Variants in BLCAP observed in about 807,000 individuals in gnomAD.
The protein encoded by BLCAP is BLCAP apoptosis inducing factor, also known as apoptosis inducing factor BLCAP.
In BLCAP, 1 loss-of-function variant was observed where a neutral mutation model predicts 5.7. The ratio of observed to expected loss-of-function variants is 0.18; its 90% CI spans 0.06 to 0.83. The LOEUF (loss-of-function observed/expected upper bound fraction) is 0.83, where lower values mean the gene tolerates loss of function less well. BLCAP is among the 40% of genes least tolerant of loss of function. The pLI, the probability that BLCAP is intolerant of heterozygous loss-of-function variation, is 0.71. For missense variants in BLCAP, 66 were observed against 107.6 expected (o/e 0.61, Z 1.71); for synonymous variants, 48 against 49.4 (o/e 0.97, Z 0.11).
rs1226961075 is a variant in BLCAP, at chr20:37,521,621, G to A, written c.-176-2271C>T. 1 of 561,354 alleles carries A rather than the reference G, an allele frequency of 1.8e-6. No homozygotes were observed. Among genetic ancestry groups the A allele is most frequent in the Non-Finnish European group, 3.2e-6 (1 of 314,912 alleles). The allele number at this position is 561,354 out of a possible 1,614,324, so 34.8% of individuals were successfully genotyped here. A position where few individuals can be genotyped will look rare whatever the true frequency, so the allele number is the denominator to read the frequency against. On this transcript the variant is annotated intron_variant, in intron 1 of 1. Transcript: ENST00000373537. This position sits in a 1 kb window ranked among gnomAD's most constrained non-coding sequence, Gnocchi z 4.5. ...CCCTAGTGCGCCCGCGCCTGCCAGG[G>A]AACAAAGACTCGGGGCGCGGCGGGC... is the stretch of plus-strand genomic sequence containing the variant.
At position 37,521,051 on chromosome 20, in the gene BLCAP, G is replaced by A. The variant is rs1030284780; in HGVS notation, c.-176-1701C>T. Among the ~76,000 whole-genome samples, 2 of 152,154 alleles carry A rather than the reference G, an allele frequency of 1.3e-5. No individual in the cohort carries two copies. Among genetic ancestry groups the A allele is most frequent in the African/African-American group, 4.8e-5 (2 of 41,418 alleles). ...TAAAGCAAAATCCAAAAGCAAGCAC[G>A]GCGGAATCTTCTGGAAGGGGGCTAA... On this transcript the variant is annotated intron_variant, in intron 1 of 1. Transcript: ENST00000373537. This position sits in a 1 kb window ranked among gnomAD's most constrained non-coding sequence, Gnocchi z 4.5.
At chr20:37,525,699 C>A (rs112461498) in intron 1 of BLCAP, among the ~76,000 whole-genome samples, 54 of 152,344 alleles carry the variant, frequency 3.5e-4, no homozygotes, top group Admixed American at 9.1e-4. Context: ...TCCAAACACA[C>A]CTTGTTTATA....
At chr20:37,522,401 G>A in intron 1 of BLCAP, 1 of 1,613,930 alleles carries the variant, frequency 6.2e-7, no homozygotes, top group Non-Finnish European at 8.5e-7. Flanking sequence ...TTCGCTTTTC[G>A]AAATCCTCCA....
rs540662834 is a variant in BLCAP, at chr20:37,525,117, C to T, written c.-177+2676G>A. ...CATCAGCAGGCAATGCCCACACCTCCTCCCTTCTGAACCCCATATCTTGGC... is the reference window on the plus strand; with the variant it reads ...CATCAGCAGGCAATGCCCACACCTCTTCCCTTCTGAACCCCATATCTTGGC... On this transcript the variant is annotated intron_variant, in intron 1 of 1. Coordinates refer to ENST00000373537, the MANE Select transcript of BLCAP (RefSeq NM_006698.4). Among the ~76,000 whole-genome samples the T allele has an allele frequency of 8.5e-5, 13 of 152,312 alleles. No individual in the cohort carries two copies. The East Asian group carries it at 2.3e-3, about 27-fold the overall frequency.
At position 37,522,726 on chromosome 20, in the gene BLCAP, G is replaced by T. The variant is rs1262992068; in HGVS notation, c.-176-3376C>A. The T allele has an allele frequency of 4.3e-6, 7 of 1,611,048 alleles. No homozygotes were observed. In the South Asian group the frequency reaches 5.5e-5, roughly 13 times the overall value. On this transcript the variant is annotated intron_variant, in intron 1 of 1. Transcript: ENST00000373537. ...CGGTGTCGCGGACCGGGCGGCAGGT[G>T]TTGGGGGAGCGCAGGCAGCGAGCCC... is the stretch of plus-strand genomic sequence containing the variant.
Position 37,522,672 on chromosome 20 carries a change from C to T in BLCAP, c.-176-3322G>A, listed in dbSNP as rs542858994. 6.2e-6 allele frequency: 10 copies of T among 1,611,336 alleles called. No homozygotes were observed. In the African/African-American group the frequency reaches 1.2e-4, roughly 19 times the overall value. ...TCCTGGGTTTCTCGTCGCAGGTGTT[C>T]AGGTACTCCCTGCAGAAGCTGGCAT... On this transcript the variant is annotated intron_variant, in intron 1 of 1. Coordinates refer to ENST00000373537, the MANE Select transcript of BLCAP (RefSeq NM_006698.4).
intron 1 of BLCAP, chr20:37,522,550 CAGCCTACGCTGG>C (rs1371252540): frequency 7.3e-7 from 1 of 1,369,422 alleles, no homozygotes; most frequent in African/African-American, 1.5e-5. Flanking sequence ...CCCGCCTCTC[CAGCCTACGCTGG>C]ATGGGCGGGC....
intron 1 of BLCAP, among the ~76,000 whole-genome samples, chr20:37,519,699 C>G (rs1194393285): frequency 6.6e-6 from 1 of 152,204 alleles, no homozygotes; most frequent in Admixed American, 6.5e-5. Context: ...GGGGCTGCAG[C>G]CCGTCCTCAA....
At position 37,518,961 on chromosome 20, in the gene BLCAP, C is replaced by G. The variant is rs767158326; in HGVS notation, c.214G>C (p.Asp72His). 1 of 1,614,190 alleles carries G rather than the reference C, an allele frequency of 6.2e-7. No homozygotes were observed. Among genetic ancestry groups the G allele is most frequent in the Non-Finnish European group, 8.5e-7 (1 of 1,180,048 alleles). Reference sequence around the variant, plus strand: ...TGCGCCGATTCTGGAAGCGGGGAATCGGAGCAGTGGTACAGGAAACAGTTT... The same window carrying G: ...TGCGCCGATTCTGGAAGCGGGGAATGGGAGCAGTGGTACAGGAAACAGTTT... ...WGNCFLYHCS[D>H]SPLPESAHDP... Residue 72 changes from aspartate (D) to histidine (H), a missense_variant, in exon 2 of 2, where the codon GAT (aspartate) becomes CAT (histidine). Transcript: ENST00000373537.
intron 1 of BLCAP, among the ~76,000 whole-genome samples, chr20:37,527,263 C>A (rs897091511): frequency 1.3e-5 from 2 of 152,132 alleles, no homozygotes; most frequent in African/African-American, 4.8e-5. Context: ...GAGTAAGAAG[C>A]GCCCGCGACT....
intron 1 of BLCAP, chr20:37,522,572 C>A: frequency 3.5e-6 from 2 of 578,850 alleles, no homozygotes; most frequent in South Asian, 4.1e-5. Flanking sequence ...GATGGGCGGG[C>A]GGGGCAGGGG....
At chr20:37,522,025 T>A (rs2071596486) in intron 1 of BLCAP, among the ~76,000 whole-genome samples, 1 of 149,098 alleles carries the variant, frequency 6.7e-6, no homozygotes, top group South Asian at 2.1e-4. Context: ...TGCATTAGAT[T>A]AAAAACGCAC....
Position 37,518,909 on chromosome 20 carries a change from C to T in BLCAP, c.*2G>A, listed in dbSNP as rs777704044. On this transcript the variant is annotated 3_prime_UTR_variant, in exon 2 of 2. Transcript: ENST00000373537. ...TCCTTGGAAAGCTAACAGGGCAGGC[C>T]GTTAGGTGCCCACAACGCCGGGATC... 26 of 1,613,812 alleles carry T rather than the reference C, an allele frequency of 1.6e-5. No homozygotes were observed. The highest frequency in any genetic ancestry group is 2.2e-5 in the East Asian group (1 of 44,898).
In BLCAP at chr20:37,522,257, G is replaced by C. The variant is rs1390412058; in HGVS notation, c.-176-2907C>G. ...GTAAAAAGAGATAAATCAGAAGAAA[G>C]CGCTTTGCCCATAAAATCATTTACC... On this transcript the variant is annotated intron_variant, in intron 1 of 1. Coordinates refer to ENST00000373537, the MANE Select transcript of BLCAP (RefSeq NM_006698.4). The C allele has an allele frequency of 1.6e-5, 12 of 756,230 alleles. No homozygotes were observed. In the Admixed American group the frequency reaches 2.8e-4, roughly 18 times the overall value. The allele number at this position is 756,230 out of a possible 1,614,324, so 46.8% of individuals were successfully genotyped here. A position where few individuals can be genotyped will look rare whatever the true frequency, so the allele number is the denominator to read the frequency against.
Position 37,519,316 on chromosome 20 carries a change from G to T in BLCAP, c.-142C>A. On this transcript the variant is annotated 5_prime_UTR_variant, in exon 2 of 2. Coordinates refer to ENST00000373537, the MANE Select transcript of BLCAP (RefSeq NM_006698.4). ...AGGAGCTGAGCCGCTGTGCTCTCTG[G>T]CTGTCAGCCCGGGATCACCAAGGCA... is the stretch of plus-strand genomic sequence containing the variant. 1 of 994,732 alleles carries T rather than the reference G, an allele frequency of 1.0e-6. No homozygotes were observed. The highest frequency in any genetic ancestry group is 1.4e-6 in the Non-Finnish European group (1 of 701,278). 61.6% of individuals were successfully genotyped at this position (994,732 alleles called of 1,614,324 possible). A position where few individuals can be genotyped will look rare whatever the true frequency, so the allele number is the denominator to read the frequency against.
Position 37,521,817 on chromosome 20 carries a change from T to G in BLCAP, c.-176-2467A>C, listed in dbSNP as rs1279679513. The G allele has an allele frequency of 6.1e-6, 1 of 163,384 alleles. No individual in the cohort carries two copies. Among genetic ancestry groups the G allele is most frequent in the African/African-American group, 2.4e-5 (1 of 41,670 alleles). 10.1% of individuals were successfully genotyped at this position (163,384 alleles called of 1,614,324 possible). Reference sequence around the variant, plus strand: ...AAAATTGCGCATTGCGGAGAAATTTTATTTAAAAAAACATATAGCGCTTGC... The same window carrying G: ...AAAATTGCGCATTGCGGAGAAATTTGATTTAAAAAAACATATAGCGCTTGC... On this transcript the variant is annotated intron_variant, in intron 1 of 1. Transcript: ENST00000373537. This position sits in a 1 kb window ranked among gnomAD's most constrained non-coding sequence, Gnocchi z 4.5.
At chr20:37,522,748 G>GCCCC in intron 1 of BLCAP, 1 of 1,603,620 alleles carries the variant, frequency 6.2e-7, no homozygotes, top group Non-Finnish European at 8.5e-7. Context: ...CAGGCAGCGA[G>GCCCC]CCCCCAACTG....
chr20:37,522,598 G>GGGGGGGGGGGGGGGGCCC, intron 1 of BLCAP: 2 of 864,288 alleles, frequency 2.3e-6, no homozygotes, highest in African/African-American at 1.8e-5. Context: ...GCGGGGGTGG[G>GGGGGGGGGGGGGGGGCCC]CACGGCAGCA....
intron 1 of BLCAP, chr20:37,527,492 C>A (rs1052383981): frequency 2.6e-5 from 4 of 152,326 alleles, no homozygotes; most frequent in African/African-American, 9.7e-5. Context: ...AGCCCCGTGC[C>A]CCCGGCTCTG....
Sources: allele counts gnomAD v4.1 joint callset (sites outside exome capture counted in the v4.1 genomes callset), GRCh38; gene constraint gnomAD v4.1.1; non-coding constraint Gnocchi (gnomAD v3.1); transcripts MANE v1.5; gene names NCBI Gene and HGNC (gene_info 2026-07-23, HGNC 2026-07-21).